The following RANBP2 variants were observed in gnomAD, a reference collection of about 807,000 sequenced individuals.
RANBP2 encodes the protein E3 SUMO-protein ligase RanBP2.
RANBP2 carries 57 observed loss-of-function variants against 303.6 expected under a neutral mutation model. The observed-to-expected ratio is 0.19, with a 90% CI of 0.15 to 0.23. RANBP2 has a LOEUF of 0.23. RANBP2 is among the 10% of genes least tolerant of loss of function. The pLI, the probability that RANBP2 is intolerant of heterozygous loss-of-function variation, is 1.00. For missense variants in RANBP2, 3,138 were observed against 3,780.8 expected (o/e 0.83, Z 4.46); for synonymous variants, 1,167 against 1,301.5 (o/e 0.90, Z 2.23).
At chr2:109,615,422 G>A in the RANBP2 span, 1 of 1,613,100 alleles carries the variant, frequency 6.2e-7, no homozygotes, top group East Asian at 2.2e-5. Context: ...GGGCCGCCAA[G>A]CACGGCAGGC....
chr2:108,863,997 A>C, the RANBP2 span, among the ~76,000 whole-genome samples: 14 of 152,228 alleles, frequency 9.2e-5, no homozygotes, highest in African/African-American at 3.4e-4. Context: ...GACACTGTTA[A>C]CAGAATCTCT....
chr2:109,571,322 G>C, the RANBP2 span, among the ~76,000 whole-genome samples: 1 of 152,166 alleles, frequency 6.6e-6, no homozygotes, highest in African/African-American at 2.4e-5. Flanking sequence ...ATAGAAATAT[G>C]ATCTTAGGTG....
the RANBP2 span, among the ~76,000 whole-genome samples, chr2:109,205,975 G>A: frequency 6.6e-6 from 1 of 152,158 alleles, no homozygotes; most frequent in East Asian, 1.9e-4. Flanking sequence ...GATTTACCAT[G>A]TTTACTCCAA....
the RANBP2 span, chr2:109,760,427 CGG>C: frequency 2.2e-6 from 2 of 898,282 alleles, no homozygotes; most frequent in Admixed American, 8.2e-5. Flanking sequence ...GCGGCGGCGG[CGG>C]CGCAGGGCCG....
At chr2:108,978,319 C>T in the RANBP2 span, among the ~76,000 whole-genome samples, 1 of 152,216 alleles carries the variant, frequency 6.6e-6, no homozygotes, top group Non-Finnish European at 1.5e-5. Flanking sequence ...GATTACATCT[C>T]TGTGGTTTCC....
chr2:109,305,425 T>C, the RANBP2 span, among the ~76,000 whole-genome samples: 1 of 152,170 alleles, frequency 6.6e-6, no homozygotes, highest in Non-Finnish European at 1.5e-5. Flanking sequence ...AACATCGTGC[T>C]TCCTATTTCC....
chr2:109,194,084 T>C, the RANBP2 span, among the ~76,000 whole-genome samples: 752 of 152,366 alleles, frequency 4.9e-3, 3 homozygotes, highest in African/African-American at 0.017. Context: ...CAGGATATTC[T>C]GATAAAAACT....
chr2:109,537,640 AAAGT>A, the RANBP2 span, among the ~76,000 whole-genome samples: 1 of 152,084 alleles, frequency 6.6e-6, no homozygotes, highest in African/African-American at 2.4e-5. Flanking sequence ...TTGGTGGCTT[AAAGT>A]AATACAAATG....
chr2:108,917,036 G>A, the RANBP2 span, among the ~76,000 whole-genome samples: 4 of 152,216 alleles, frequency 2.6e-5, no homozygotes, highest in African/African-American at 9.7e-5. Flanking sequence ...TCGGCAATAA[G>A]GAATGGAGCT....
the RANBP2 span, among the ~76,000 whole-genome samples, chr2:109,306,465 G>T: frequency 6.6e-6 from 1 of 152,316 alleles, no homozygotes; most frequent in Admixed American, 6.5e-5. Flanking sequence ...TACCGCAGAA[G>T]GTATGGGAGC....
At position 108,763,580 on chromosome 2, in the gene RANBP2, G is replaced by T; in HGVS notation, c.3041G>T (p.Gly1014Val). The T allele has an allele frequency of 6.2e-7, 1 of 1,614,020 alleles. No individual in the cohort carries two copies. Among genetic ancestry groups the T allele is most frequent in the Non-Finnish European group, 8.5e-7 (1 of 1,180,000 alleles). ...TTTGTTCAGCCCATGCCGGGTGAAGGATTAAGGCCATCTTTGCCAACACAA... is the reference window on the plus strand; with the variant it reads ...TTTGTTCAGCCCATGCCGGGTGAAGTATTAAGGCCATCTTTGCCAACACAA... ...TNFVQPMPGE[G>V]LRPSLPTQAH... Residue 1014 changes from glycine (G) to valine (V), a missense_variant, in exon 20 of 29, where the codon GGA becomes GTA. By Grantham distance (109) the Gly-to-Val change is moderately radical. Around this residue, in one of 20 missense-constraint regions of RANBP2, gnomAD observed 403 missense variants for 376.7 expected, o/e 1.07. Transcript: ENST00000283195.
chr2:109,517,315 T>C, the RANBP2 span, among the ~76,000 whole-genome samples: 1 of 152,202 alleles, frequency 6.6e-6, no homozygotes, highest in East Asian at 1.9e-4. Context: ...ATCCCCGGAC[T>C]GTGCGGGGCC....
At chr2:109,099,664 T>C in the RANBP2 span, among the ~76,000 whole-genome samples, 2 of 151,900 alleles carry the variant, frequency 1.3e-5, no homozygotes, top group African/African-American at 4.8e-5. Flanking sequence ...GTGGCTCTTA[T>C]AAGGGGTGGA....
the RANBP2 span, among the ~76,000 whole-genome samples, chr2:109,220,662 A>C: frequency 6.6e-6 from 1 of 152,248 alleles, no homozygotes; most frequent in African/African-American, 2.4e-5. Flanking sequence ...AAGCACATGA[A>C]AAGATGCTTC....
At chr2:109,686,564 C>T in the RANBP2 span, among the ~76,000 whole-genome samples, 51 of 152,312 alleles carry the variant, frequency 3.3e-4, no homozygotes, top group African/African-American at 1.1e-3. Context: ...TTGCCCGCCT[C>T]GGCCTCCCAA....
chr2:108,741,495 C>CTTTTTT (rs34872068), intron 7 of RANBP2, among the ~76,000 whole-genome samples: 7 of 61,798 alleles, frequency 1.1e-4, no homozygotes, highest in East Asian at 1.3e-3. Context: ...TGCGCCTGGC[C>CTTTTTT]TTTTTTTTTT....
the RANBP2 span, chr2:109,545,956 T>TA: frequency 6.7e-7 from 1 of 1,483,140 alleles, no homozygotes; most frequent in Non-Finnish European, 9.0e-7. Context: ...AGACAAAGCA[T>TA]AAGGAAGCAG....
intron 17 of RANBP2, among the ~76,000 whole-genome samples, chr2:108,757,472 A>G (rs1190653223): frequency 6.6e-6 from 1 of 152,196 alleles, no homozygotes; most frequent in African/African-American, 2.4e-5. Context: ...AACAGTGTAG[A>G]TAGTATAAAA....
chr2:108,923,578 C>A, the RANBP2 span: 1 of 789,196 alleles, frequency 1.3e-6, no homozygotes, highest in South Asian at 1.4e-5. Context: ...AGGCCACGCC[C>A]ACTCAGTCAC....
Sources: gnomAD v4.1 joint callset for allele counts (sites outside exome capture counted in the v4.1 genomes callset) on GRCh38, gnomAD v4.1.1 for gene constraint, gnomAD v4.1.1 regional missense constraint, MANE v1.5 for transcripts, NCBI Gene and HGNC (gene_info 2026-07-23, HGNC 2026-07-21) for gene names.